Variants in CPSF4L observed in about 807,000 individuals in gnomAD.
CPSF4L encodes the protein putative cleavage and polyadenylation specificity factor subunit 4-like protein.
CPSF4L carries 18 observed loss-of-function variants against 24.0 expected under a neutral mutation model. The ratio of observed to expected loss-of-function variants is 0.75; its 90% confidence interval spans 0.52 to 1.11. The LOEUF is 1.11. Ranked by LOEUF, CPSF4L falls within the 50% of genes least tolerant of loss-of-function variation. CPSF4L has a pLI of 0.00. For synonymous variants in CPSF4L, 72 were observed against 77.2 expected, an observed-to-expected ratio of 0.93 and a Z score of 0.35; for missense variants, 211 against 221.8, an observed-to-expected ratio of 0.95 and a Z score of 0.31.
At position 73,253,992 on chromosome 17, in the gene CPSF4L, A is replaced by G. The variant is rs2062015127; in HGVS notation, c.342T>C (p.His114=). The change falls in exon 4 of 6, where the codon CAT becomes CAC. Residue 114 remains histidine, a synonymous_variant. Coordinates refer to ENST00000344935, the MANE Select transcript of CPSF4L (RefSeq NM_001129885.1). ...CCTGGGACTTGAAAGCTGGCTTCAC[A>G]TGGAGGAAGGAACACTCCTTGTTGC... ...DCSNKECSFL[H]VKPAFKSQDC... is the part of the protein sequence containing the mutation. 2 of 1,551,542 alleles carry G rather than the reference A, an allele frequency of 1.3e-6. No homozygotes were observed. Among genetic ancestry groups the G allele is most frequent in the African/African-American group, 2.7e-5 (2 of 73,036 alleles).
chr17:73,256,448 G>T (rs757499497), intron 3 of CPSF4L, among the ~76,000 whole-genome samples: 5 of 152,186 alleles, frequency 3.3e-5, no homozygotes, highest in Non-Finnish European at 7.3e-5. Context: ...AGGAGCAGCC[G>T]CTTGGGGGGC....
At chr17:73,249,812 T>C (rs2061996660) in intron 5 of CPSF4L, 1 of 157,512 alleles carries the variant, frequency 6.3e-6, no homozygotes, top group Non-Finnish European at 1.4e-5. Flanking sequence ...ACAGAGTATA[T>C]TCTTAGATTT....
chr17:73,261,940 G>A (rs77084427), upstream of CPSF4L: 188 of 717,640 alleles, frequency 2.6e-4, 1 homozygote, highest in African/African-American at 3.0e-3. Flanking sequence ...CAGGGTGCCA[G>A]TGGCCAGGTG....
the CPSF4L span, chr17:73,242,956 T>A: frequency 6.2e-7 from 1 of 1,614,106 alleles, no homozygotes; most frequent in Non-Finnish European, 8.5e-7. Flanking sequence ...ACGATGCTCT[T>A]CACAGGATAC....
intron 5 of CPSF4L, chr17:73,250,020 C>T (rs374765056): frequency 1.1e-5 from 5 of 435,832 alleles, no homozygotes; most frequent in East Asian, 1.1e-4. Flanking sequence ...ATTTTGCTCC[C>T]GTTTTATGGA....
chr17:73,261,972 TGGGCTGTACAGGAGCA>T (rs1368146503), upstream of CPSF4L: 1 of 630,240 alleles, frequency 1.6e-6, no homozygotes, highest in Non-Finnish European at 2.8e-6. Flanking sequence ...CGCTCCAGCC[TGGGCTGTACAGGAGCA>T]GGGCCCAGCT....
chr17:73,246,594 G>A (rs1427706061), downstream of CPSF4L, among the ~76,000 whole-genome samples: 1 of 152,074 alleles, frequency 6.6e-6, no homozygotes, highest in Non-Finnish European at 1.5e-5. Context: ...CTTGTATGTC[G>A]TTTCTCTCTC....
At chr17:73,254,188 C>T (rs2062015807) in intron 3 of CPSF4L, among the ~76,000 whole-genome samples, 162 bp from the exon 4 acceptor site, 2 of 152,172 alleles carry the variant, frequency 1.3e-5, no homozygotes, top group South Asian at 2.1e-4. Flanking sequence ...ATCCTTGCTG[C>T]AGTCTAAAAA....
At chr17:73,242,488 TTGTC>T in the CPSF4L span, 2 of 575,136 alleles carry the variant, frequency 3.5e-6, no homozygotes, top group South Asian at 2.5e-5. Flanking sequence ...AGTTTTCCAT[TTGTC>T]TGTGTTCATT....
chr17:73,259,480 C>T (rs572850801), intron 2 of CPSF4L, among the ~76,000 whole-genome samples: 1 of 152,332 alleles, frequency 6.6e-6, no homozygotes, highest in East Asian at 1.9e-4. Flanking sequence ...CTCCCCCGGC[C>T]AAGGTGCTCT....
At chr17:73,247,205 G>A (rs771543572), downstream of CPSF4L, 2 of 1,598,076 alleles carry the variant, frequency 1.3e-6, no homozygotes, top group Non-Finnish European at 1.7e-6. Flanking sequence ...CATATGCCCT[G>A]AAAAGCTGAA....
intron 2 of CPSF4L, among the ~76,000 whole-genome samples, chr17:73,258,369 G>A (rs915607744): frequency 4.0e-5 from 6 of 151,798 alleles, no homozygotes; most frequent in African/African-American, 1.2e-4. Context: ...GCAATGGCAC[G>A]GTCTCAGCTC....
intron 3 of CPSF4L, among the ~76,000 whole-genome samples, chr17:73,256,856 G>A (rs555637331): frequency 4.1e-4 from 62 of 152,118 alleles, no homozygotes; most frequent in East Asian, 1.5e-3. Flanking sequence ...GCAAAACCCC[G>A]TCTCTACTAA....
chr17:73,244,881 A>G (rs1349607867), downstream of CPSF4L, among the ~76,000 whole-genome samples: 1 of 151,852 alleles, frequency 6.6e-6, no homozygotes, highest in Non-Finnish European at 1.5e-5. Context: ...GAGGAAAAGA[A>G]GTGCCTTTCT....
chr17:73,247,210 G>C, downstream of CPSF4L: 3 of 1,602,354 alleles, frequency 1.9e-6, no homozygotes, highest in Non-Finnish European at 2.6e-6. Flanking sequence ...GCCCTGAAAA[G>C]CTGAAAATAT....
At chr17:73,249,589 C>T (rs2061994586) in intron 5 of CPSF4L, among the ~76,000 whole-genome samples, 1 of 152,134 alleles carries the variant, frequency 6.6e-6, no homozygotes, top group Non-Finnish European at 1.5e-5. Context: ...GCCAGTTCTT[C>T]CTCACACATC....
intron 5 of CPSF4L, among the ~76,000 whole-genome samples, chr17:73,251,722 C>T (rs1299570343): frequency 2.0e-5 from 3 of 152,248 alleles, no homozygotes; most frequent in South Asian, 2.1e-4. Context: ...CTTAGCCCCT[C>T]GCCTGTACAA....
At chr17:73,253,576 C>G (rs1202168607) in intron 4 of CPSF4L, among the ~76,000 whole-genome samples, 1 of 152,198 alleles carries the variant, frequency 6.6e-6, no homozygotes, top group Non-Finnish European at 1.5e-5. Context: ...CACTCAGGAC[C>G]CCCCAGGTGG....
intron 2 of CPSF4L, among the ~76,000 whole-genome samples, chr17:73,258,400 G>C (rs1318254595): frequency 6.6e-6 from 1 of 152,062 alleles, no homozygotes; most frequent in Non-Finnish European, 1.5e-5. Flanking sequence ...CCACCTCCCA[G>C]GTTCAAGTGA....
Sources: allele counts gnomAD v4.1 joint callset (sites outside exome capture counted in the v4.1 genomes callset), GRCh38; gene constraint gnomAD v4.1.1; transcripts MANE v1.5; gene names NCBI Gene and HGNC (gene_info 2026-07-23, HGNC 2026-07-21).